Variants in FAM149A observed in about 807,000 individuals in gnomAD.
FAM149A encodes the protein family with sequence similarity 149 member A, also known as protein FAM149A.
A neutral mutation model predicts 78.2 loss-of-function variants in FAM149A; 71 were observed. The ratio of observed to expected loss-of-function variants is 0.91; its 90% CI spans 0.75 to 1.11. The LOEUF is 1.11. FAM149A is among the 50% of genes least tolerant of loss of function. The pLI is 0.00. For missense variants in FAM149A, 1,036 were observed against 971.0 expected (o/e 1.07, Z -0.89); for synonymous variants, 446 against 410.5 (o/e 1.09, Z -1.04).
Position 186,164,565 on chromosome 4 carries a change from A to G in FAM149A, c.1890-779A>G. ...TTCACAGTTTGGGACTGATGTTTCCAGCTGTGTTGGGTCTGCTGTGCTGAT... is the reference window on the plus strand; with the variant it reads ...TTCACAGTTTGGGACTGATGTTTCCGGCTGTGTTGGGTCTGCTGTGCTGAT... On this transcript the variant is annotated intron_variant, in intron 10 of 13. Transcript: ENST00000389354. The surrounding 1 kb of genome is among the most constrained non-coding windows in gnomAD (Gnocchi z 4.0). 1 of 845,404 alleles carries G rather than the reference A, an allele frequency of 1.2e-6. No homozygotes were observed. The highest frequency in any genetic ancestry group is 1.4e-6 in the Non-Finnish European group (1 of 702,186). 52.4% of individuals were successfully genotyped at this position (845,404 alleles called of 1,614,324 possible). A position where few individuals can be genotyped will look rare whatever the true frequency, so the allele number is the denominator to read the frequency against.
At chr4:186,159,692 G>A (rs1024597089) in intron 8 of FAM149A, among the ~76,000 whole-genome samples, 13 of 152,064 alleles carry the variant, frequency 8.5e-5, no homozygotes, top group East Asian at 5.8e-4. Flanking sequence ...CATACTGAGC[G>A]CGTAATAAAT....
At chr4:186,125,713 A>G in intron 1 of FAM149A, 2 of 984,772 alleles carry the variant, frequency 2.0e-6, no homozygotes, top group Non-Finnish European at 2.4e-6. Context: ...AATTAACACT[A>G]CTATTATTGT....
intron 1 of FAM149A, chr4:186,123,892 A>T (rs1411998487): frequency 3.1e-6 from 3 of 963,138 alleles, no homozygotes; most frequent in Non-Finnish European, 3.7e-6. Context: ...AAAAAAAATA[A>T]AACACTTTTT....
Position 186,162,954 on chromosome 4 carries a change from T to TATCAGA in FAM149A, c.1679+12_1679+17dup, listed in dbSNP as rs1249078916. Reference sequence around the variant, plus strand: ...TATTTTGCTGACAGAACGCAGTACGTATCAGAATCAGTAGTAGTTACCCAG... The same window carrying TATCAGA: ...TATTTTGCTGACAGAACGCAGTACGTATCAGAATCAGAATCAGTAGTAGTTACCCAG... On this transcript the variant is annotated splice_region_variant and intron_variant, in intron 9 of 13. Transcript: ENST00000389354. 1 of 1,562,604 alleles carries TATCAGA rather than the reference T, an allele frequency of 6.4e-7. No individual in the cohort carries two copies. The highest frequency in any genetic ancestry group is 8.8e-7 in the Non-Finnish European group (1 of 1,135,174).
chr4:186,125,854 A>G, intron 1 of FAM149A: 1 of 985,416 alleles, frequency 1.0e-6, no homozygotes, highest in Non-Finnish European at 1.2e-6. Context: ...GAGATGTTGA[A>G]GAAGCAACGT....
chr4:186,136,627 C>T (rs2099322810), intron 1 of FAM149A, among the ~76,000 whole-genome samples: 1 of 152,166 alleles, frequency 6.6e-6, no homozygotes, highest in African/African-American at 2.4e-5. Context: ...TTTTTATACT[C>T]TTCATATTAA....
At chr4:186,141,208 G>A (rs999939025) in intron 1 of FAM149A, among the ~76,000 whole-genome samples, 3 of 152,090 alleles carry the variant, frequency 2.0e-5, no homozygotes, top group Admixed American at 2.0e-4. Flanking sequence ...TCTTGCAAAT[G>A]TATTTTTAAG....
intron 1 of FAM149A, among the ~76,000 whole-genome samples, chr4:186,142,540 T>C (rs2099326287): frequency 6.6e-6 from 1 of 152,194 alleles, no homozygotes; most frequent in Non-Finnish European, 1.5e-5. Flanking sequence ...GCTTTGATTA[T>C]GGAGTACAGT....
At chr4:186,153,606 CT>C (rs1269372714) in intron 4 of FAM149A, 38 bp from the exon 5 acceptor site, 8 of 1,592,456 alleles carry the variant, frequency 5.0e-6, no homozygotes, top group Non-Finnish European at 6.9e-6. Context: ...TTCCCTTTGT[CT>C]GATCAAAAAT....
intron 8 of FAM149A, among the ~76,000 whole-genome samples, chr4:186,160,540 C>T (rs867951415): frequency 4.7e-5 from 7 of 150,088 alleles, no homozygotes; most frequent in South Asian, 4.3e-4. Flanking sequence ...ACACACCACA[C>T]GCACACCCCA....
Position 186,136,976 on chromosome 4 carries a change from T to TC in FAM149A, c.567-12197_567-12196insC, listed in dbSNP as rs2099323291. ...TCTCTCTCTCTCTTTCTCTCTCTCT[T>TC]TCTCTCTCTCTCTCTCTCTCTCTCT... On this transcript the variant is annotated intron_variant, in intron 1 of 13. Transcript: ENST00000389354. Among the ~76,000 whole-genome samples the TC allele has an allele frequency of 1.4e-3, 101 of 72,090 alleles. 2 individuals are homozygous for TC. Among genetic ancestry groups the TC allele is most frequent in the African/African-American group, 2.0e-3 (33 of 16,280 alleles). The allele number at this position is 72,090 out of a possible 152,430, so 47.3% of individuals were successfully genotyped here. A position where few individuals can be genotyped will look rare whatever the true frequency, so the allele number is the denominator to read the frequency against.
chr4:186,133,853 C>T (rs1274564335), intron 1 of FAM149A, among the ~76,000 whole-genome samples: 1 of 152,162 alleles, frequency 6.6e-6, no homozygotes, highest in African/African-American at 2.4e-5. Context: ...GACAGGATCT[C>T]CCTGTATTGC....
At chr4:186,158,340 T>G in intron 8 of FAM149A, 1 of 1,208,520 alleles carries the variant, frequency 8.3e-7, no homozygotes, top group Non-Finnish European at 1.0e-6. Flanking sequence ...CAGATTCTCC[T>G]CTGTGCTGTG....
chr4:186,165,540 C>G lies in FAM149A; in HGVS notation c.2010+76C>G, dbSNP rs1734961606. On this transcript the variant is annotated intron_variant, in intron 11 of 13. Coordinates refer to ENST00000389354, the MANE Select transcript of FAM149A (RefSeq NM_001367768.3). ...AAAACAAACAAAAACAACCTTGGCA[C>G]TTCCAAGTGAAATTAGTAACATGAG... The G allele has an allele frequency of 2.7e-6, 4 of 1,488,224 alleles. No homozygotes were observed. In the South Asian group the frequency reaches 3.6e-5, roughly 13 times the overall value. The allele number at this position is 1,488,224 out of a possible 1,614,324, so 92.2% of individuals were successfully genotyped here. A position where few individuals can be genotyped will look rare whatever the true frequency, so the allele number is the denominator to read the frequency against.
intron 1 of FAM149A, chr4:186,146,968 T>C (rs1733101540): frequency 1.0e-6 from 1 of 985,426 alleles, no homozygotes; most frequent in Non-Finnish European, 1.2e-6. Flanking sequence ...AAAAGATGAA[T>C]AAGGTGTCAA....
chr4:186,139,290 C>A (rs1409007580), intron 1 of FAM149A, among the ~76,000 whole-genome samples: 3 of 152,082 alleles, frequency 2.0e-5, no homozygotes, highest in African/African-American at 7.2e-5. Flanking sequence ...CTCCATGGAG[C>A]CCTGGTCCCT....
intron 8 of FAM149A, among the ~76,000 whole-genome samples, chr4:186,162,425 C>T (rs895496837): frequency 1.8e-4 from 28 of 152,184 alleles, no homozygotes; most frequent in African/African-American, 6.5e-4. Context: ...GAGGCTGATA[C>T]ACGTTGACCA....
chr4:186,132,784 C>A (rs1023177289), intron 1 of FAM149A, among the ~76,000 whole-genome samples: 2 of 152,304 alleles, frequency 1.3e-5, no homozygotes, highest in African/African-American at 2.4e-5. Flanking sequence ...ATCTGTAGCT[C>A]TCTGCCTGTC....
chr4:186,112,338 G>A (rs2099311652), intron 1 of FAM149A, among the ~76,000 whole-genome samples: 1 of 143,860 alleles, frequency 7.0e-6, no homozygotes, highest in Non-Finnish European at 1.5e-5. Flanking sequence ...CATGTCGTCT[G>A]CAAACAGGGA....
Sources: allele counts gnomAD v4.1 joint callset (sites outside exome capture counted in the v4.1 genomes callset), GRCh38; gene constraint gnomAD v4.1.1; non-coding constraint Gnocchi (gnomAD v3.1); transcripts MANE v1.5; gene names NCBI Gene and HGNC (gene_info 2026-07-23, HGNC 2026-07-21).